GAK: variants seen among roughly 807,000 people sequenced by gnomAD.
GAK encodes cyclin G associated kinase.
A neutral mutation model predicts 143.9 loss-of-function variants in GAK; 79 were observed. The ratio of observed to expected loss-of-function variants is 0.55; its 90% CI spans 0.46 to 0.66. GAK has a LOEUF of 0.66. Ranked by LOEUF, GAK falls within the 30% of genes least tolerant of loss-of-function variation. The pLI is 0.00. For missense variants in GAK, 1,693 were observed against 1,779.7 expected, an observed-to-expected ratio of 0.95 and a Z score of 0.88; for synonymous variants, 881 against 765.5, an observed-to-expected ratio of 1.15 and a Z score of -2.49.
intron 1 of GAK, among the ~76,000 whole-genome samples, chr4:927,758 C>G: frequency 6.6e-6 from 1 of 151,312 alleles, no homozygotes; most frequent in Non-Finnish European, 1.5e-5. Flanking sequence ...CTGCCCCGCA[C>G]CCCTCCCTGC....
Position 871,046 on chromosome 4 carries a change from C to A in GAK, c.2055-142G>T, listed in dbSNP as rs574960973. 5 of 713,066 alleles carry A rather than the reference C, an allele frequency of 7.0e-6. No homozygotes were observed. The Admixed American group carries it at 1.6e-4, about 22-fold the overall frequency. 44.2% of individuals were successfully genotyped at this position (713,066 alleles called of 1,614,324 possible). On this transcript the variant is annotated intron_variant, in intron 18 of 27. Transcript: ENST00000314167. The stretch of plus-strand genomic sequence containing the variant: ...AACAACCAGGGCAGCCGGCCACCCC[C>A]GCCTGCGGAAGCTGGAGCCCTGTGA...
At chr4:896,339 A>G (rs562813699) in intron 7 of GAK, 121 bp downstream of exon 7, 11 of 720,814 alleles carry the variant, frequency 1.5e-5, no homozygotes, top group African/African-American at 1.4e-4. Context: ...AGGGGACGGG[A>G]GGGGAAGAGG....
rs1034273645 is a variant in GAK, at chr4:890,767, C to T, written c.991-145G>A. On this transcript the variant is annotated intron_variant, in intron 9 of 27. Coordinates refer to ENST00000314167, the MANE Select transcript of GAK (RefSeq NM_005255.4). ...CACAGTGCAAGGGAGGAACTTCCCACAGGCTGAAGCATCAGCTGGAACTCA... is the reference window on the plus strand; with the variant it reads ...CACAGTGCAAGGGAGGAACTTCCCATAGGCTGAAGCATCAGCTGGAACTCA... The T allele has an allele frequency of 5.4e-5, 34 of 627,934 alleles. 1 individual carries two copies. The Admixed American group carries it at 9.7e-4, about 18-fold the overall frequency. The allele number at this position is 627,934 out of a possible 1,614,324, so 38.9% of individuals were successfully genotyped here.
chr4:915,245 C>G (rs1358671747), intron 1 of GAK, among the ~76,000 whole-genome samples: 1 of 152,112 alleles, frequency 6.6e-6, no homozygotes, highest in South Asian at 2.1e-4. Context: ...TCAGCCCCAG[C>G]GTGCGCGGCC....
intron 1 of GAK, among the ~76,000 whole-genome samples, chr4:918,496 C>T (rs1157892193): frequency 1.3e-5 from 2 of 152,336 alleles, no homozygotes; most frequent in Admixed American, 6.5e-5. Flanking sequence ...CTGTACAACA[C>T]GGTGACTATA....
intron 4 of GAK, among the ~76,000 whole-genome samples, chr4:905,737 G>A (rs902790026): frequency 9.9e-5 from 15 of 151,960 alleles, no homozygotes; most frequent in East Asian, 5.8e-4. Context: ...TACGGACTCC[G>A]CCACACCCCA....
At chr4:876,715 C>T (rs1489324130) in intron 17 of GAK, 106 bp from the exon 18 acceptor site, 1 of 976,404 alleles carries the variant, frequency 1.0e-6, no homozygotes, top group Non-Finnish European at 1.6e-6. Context: ...GCTCATGGTG[C>T]TGGAGGCATG....
At chr4:849,834 A>ACCCCCC (rs33919242) in intron 27 of GAK, 58 bp downstream of exon 27, 80 of 948,378 alleles carry the variant, frequency 8.4e-5, no homozygotes, top group South Asian at 1.0e-4. Flanking sequence ...GCGGGGCAGG[A>ACCCCCC]CCCCCCCCCC....
chr4:918,296 C>T (rs1362346901), intron 1 of GAK, among the ~76,000 whole-genome samples: 2 of 152,224 alleles, frequency 1.3e-5, no homozygotes, highest in Non-Finnish European at 2.9e-5. Context: ...AAGACTTAAT[C>T]GTGTTTTCTT....
In GAK at chr4:849,641, G is replaced by A. The variant is rs200834342; in HGVS notation, c.*32C>T. ...GTCCCACGACGGCTCCCAACCTGTG[G>A]AGCTGTGTGCGCAGCCACCACCACT... On this transcript the variant is annotated 3_prime_UTR_variant, in exon 28 of 28. Transcript: ENST00000314167. The A allele has an allele frequency of 1.3e-5, 20 of 1,552,688 alleles. No homozygotes were observed. The highest frequency in any genetic ancestry group is 5.2e-5 in the Admixed American group (3 of 58,130).
At position 850,073 on chromosome 4, in the gene GAK, G is replaced by A. The variant is rs372555118; in HGVS notation, c.3658-5C>T. On this transcript the variant is annotated splice_polypyrimidine_tract_variant and splice_region_variant and intron_variant, in intron 26 of 27. Transcript: ENST00000314167. The stretch of plus-strand genomic sequence containing the variant: ...GCCCTCAATCCAGTCCAGGAGCTGC[G>A]GGAGACACGGAGCTTGCCGAGCCCT... 72 of 1,563,622 alleles carry A rather than the reference G, an allele frequency of 4.6e-5. No homozygotes were observed. The highest frequency in any genetic ancestry group is 1.1e-4 in the South Asian group (10 of 87,160).
chr4:896,701 G>A (rs1375830159), intron 6 of GAK, 152 bp from the exon 7 acceptor site: 19 of 673,188 alleles, frequency 2.8e-5, no homozygotes, highest in Non-Finnish European at 4.3e-5. Context: ...CAGGCCAGTC[G>A]GCCCCATGCA....
At chr4:863,879 T>C (rs1371372280) in intron 23 of GAK, among the ~76,000 whole-genome samples, 2 of 151,912 alleles carry the variant, frequency 1.3e-5, no homozygotes, top group Non-Finnish European at 2.9e-5. Context: ...AAAAATTAGT[T>C]GGGCGTGGTG....
At position 868,601 on chromosome 4, in the gene GAK, G is replaced by A. The variant is rs1260189188; in HGVS notation, c.2333C>T (p.Ser778Phe). ...AGSPEAEPTD[S>F]DSPPSSSADA... ...CGCGCTGCTGCTTGGCGGTGAGTCA[G>A]AGTCTGTGGGTTCGGCTTCCGGGGA... Residue 778 changes from serine (S) to phenylalanine (F), a missense_variant, in exon 20 of 28, where the codon TCT becomes TTT. By Grantham distance (155) the Ser-to-Phe change is radical. Transcript: ENST00000314167. 3.1e-6 allele frequency: 5 copies of A among 1,600,734 alleles called. No individual in the cohort carries two copies. The South Asian group carries it at 5.6e-5, about 18-fold the overall frequency.
At chr4:856,720 C>A (rs1236591199) in intron 24 of GAK, among the ~76,000 whole-genome samples, 3 of 151,050 alleles carry the variant, frequency 2.0e-5, no homozygotes, top group African/African-American at 7.4e-5. Flanking sequence ...ACCACCACAG[C>A]TGCTCACCAC....
chr4:931,361 T>C (rs873785), intron 1 of GAK, among the ~76,000 whole-genome samples: 50,897 of 151,532 alleles, frequency 0.34, 8,819 homozygotes, highest in Non-Finnish European at 0.38. Context: ...AGAGAAACAC[T>C]GAGGTGTTGA....
chr4:852,421 C>A, intron 24 of GAK: 1 of 205,128 alleles, frequency 4.9e-6, no homozygotes, highest in Non-Finnish European at 1.0e-5. Flanking sequence ...TCTCGCAGCA[C>A]ATCAAATCAG....
At chr4:894,171 CA>C (rs1718271653) in intron 7 of GAK, 162 bp from the exon 8 acceptor site, 2 of 726,588 alleles carry the variant, frequency 2.8e-6, no homozygotes, top group Admixed American at 4.0e-5. Flanking sequence ...GCAGGGAACA[CA>C]GGGGTGATAT....
intron 11 of GAK, chr4:887,456 C>G (rs180870968): frequency 1.3e-5 from 2 of 151,496 alleles, no homozygotes; most frequent in African/African-American, 4.8e-5. Flanking sequence ...CATGCATACA[C>G]ATGCACGCAG....
Sources: gnomAD v4.1 joint callset for allele counts (sites outside exome capture counted in the v4.1 genomes callset) on GRCh38, gnomAD v4.1.1 for gene constraint, MANE v1.5 for transcripts, NCBI Gene and HGNC (gene_info 2026-07-23, HGNC 2026-07-21) for gene names.